The following TRIM45 variants were observed in gnomAD, a reference collection of about 807,000 sequenced individuals.
TRIM45 encodes the protein tripartite motif containing 45, also known as E3 ubiquitin-protein ligase TRIM45.
TRIM45 carries 45 observed loss-of-function variants against 46.7 expected under a neutral mutation model. The observed-to-expected ratio is 0.96, with a 90% confidence interval of 0.76 to 1.24. The LOEUF (loss-of-function observed/expected upper bound fraction) is 1.24. Ranked by LOEUF, TRIM45 falls within the 50% of genes most tolerant of loss-of-function variation. The pLI, the probability that TRIM45 is intolerant of heterozygous loss-of-function variation, is 0.00. For missense variants in TRIM45, 680 were observed against 728.4 expected (o/e 0.93, Z 0.77); for synonymous variants, 259 against 285.8 (o/e 0.91, Z 0.94).
chr1:117,120,682 A>G, intron 1 of TRIM45, 32 bp downstream of exon 1: 1 of 1,557,192 alleles, frequency 6.4e-7, no homozygotes, highest in Non-Finnish European at 8.7e-7. Context: ...ATCTGCTCTT[A>G]AGCTACACCT....
upstream of TRIM45, chr1:117,122,721 A>G (rs1650704270): frequency 6.6e-6 from 1 of 152,244 alleles, no homozygotes. Context: ...AATTGGGAAG[A>G]TGAACACGTC....
In TRIM45 at chr1:117,121,076, C is replaced by G; in HGVS notation, c.126G>C (p.Leu42Phe). Residue 42 changes from leucine to phenylalanine, a missense_variant, in exon 1 of 6, where the codon TTG becomes TTC. Physicochemically the swap from Leu to Phe is conservative, Grantham distance 22. This residue lies in a region of TRIM45 where 349 missense variants were observed against 343.6 expected (regional missense o/e 1.02). Transcript: ENST00000256649. The surrounding 1 kb of genome is among the most constrained non-coding windows in gnomAD (Gnocchi z 4.2). ...TGGTGCAAACTGTATGCAAACAAGG[C>G]AAGAGCCTGGGGGCTTTGAAAAGCC... ...CLGLFKAPRLLPCLHTVCTTC... is the reference protein window; with the variant it reads ...CLGLFKAPRLFPCLHTVCTTC... 1 of 1,614,156 alleles carries G rather than the reference C, an allele frequency of 6.2e-7. No individual in the cohort carries two copies. The highest frequency in any genetic ancestry group is 8.5e-7 in the Non-Finnish European group (1 of 1,180,032).
At position 117,121,346 on chromosome 1, in the gene TRIM45, G is replaced by T; in HGVS notation, c.-145C>A. On this transcript the variant is annotated 5_prime_UTR_variant, in exon 1 of 6. The change creates a new upstream start codon in the 5' untranslated region. Coordinates refer to ENST00000256649, the MANE Select transcript of TRIM45 (RefSeq NM_025188.4). The surrounding 1 kb of genome is among the most constrained non-coding windows in gnomAD (Gnocchi z 4.2). ...TCCCTCGCTGACAAATAAAAGGGCA[G>T]ACGGGAAGACGAGGCGTCCTCGAAG... is the stretch of plus-strand genomic sequence containing the variant. The T allele has an allele frequency of 1.0e-6, 1 of 994,772 alleles. No homozygotes were observed. Among genetic ancestry groups the T allele is most frequent in the Non-Finnish European group, 1.4e-6 (1 of 690,102 alleles). 61.6% of individuals were successfully genotyped at this position (994,772 alleles called of 1,614,324 possible).
In TRIM45 at chr1:117,118,197, C is replaced by A. The variant is rs1298602907; in HGVS notation, c.1059G>T (p.Arg353=). The A allele has an allele frequency of 1.9e-6, 3 of 1,614,092 alleles. No homozygotes were observed. The highest frequency in any genetic ancestry group is 2.2e-5 in the East Asian group (1 of 44,896). The part of the protein sequence containing the change: ...ILITKRVVVE[R]LRKLNKVQYS... Reference sequence around the variant, plus strand: ...ATTGAACTTTGTTCAGCTTCCTGAGCCGTTCTACCACCACCCTCTTGGTGA... The same window carrying A: ...ATTGAACTTTGTTCAGCTTCCTGAGACGTTCTACCACCACCCTCTTGGTGA... The change falls in exon 2 of 6, where the codon CGG becomes CGT. Residue 353 remains arginine (R), a synonymous_variant. Coordinates refer to ENST00000256649, the MANE Select transcript of TRIM45 (RefSeq NM_025188.4). This position sits in a 1 kb window ranked among gnomAD's most constrained non-coding sequence, Gnocchi z 5.7.
chr1:117,117,959 G>T lies in TRIM45; in HGVS notation c.1222+75C>A. 1 of 1,544,740 alleles carries T rather than the reference G, an allele frequency of 6.5e-7. No individual in the cohort carries two copies. The highest frequency in any genetic ancestry group is 1.3e-5 in the South Asian group (1 of 79,828). ...GGTCAGTAGGGCATGCTTCCTAGCA[G>T]AACAAGCCACCAATCTTCACACACC... On this transcript the variant is annotated intron_variant, in intron 2 of 5. Coordinates refer to ENST00000256649, the MANE Select transcript of TRIM45 (RefSeq NM_025188.4). The surrounding 1 kb of genome is among the most constrained non-coding windows in gnomAD (Gnocchi z 4.9).
Position 117,120,946 on chromosome 1 carries a change from G to C in TRIM45, c.256C>G (p.Leu86Val). ...SIFQELKPRSLQSQIGILCPV... is the reference protein window; with the variant it reads ...SIFQELKPRSVQSQIGILCPV... ...CAAAGGATGCCGATCTGCGACTGCA[G>C]ACTTCGTGGCTTGAGTTCCTGGAAT... Residue 86 changes from leucine to valine, a missense_variant, in exon 1 of 6, where the codon CTG becomes GTG. Physicochemically the swap from Leu to Val is conservative, Grantham distance 32. Coordinates refer to ENST00000256649, the MANE Select transcript of TRIM45 (RefSeq NM_025188.4). The C allele has an allele frequency of 3.7e-6, 6 of 1,614,226 alleles. No homozygotes were observed. Among genetic ancestry groups the C allele is most frequent in the Non-Finnish European group, 5.1e-6 (6 of 1,180,044 alleles).
chr1:117,120,592 C>T (rs1650579944), intron 1 of TRIM45, 122 bp downstream of exon 1: 2 of 1,394,318 alleles, frequency 1.4e-6, no homozygotes, highest in African/African-American at 1.4e-5. Flanking sequence ...TGTTATATTG[C>T]TCTTTGACCT....
At chr1:117,114,483 C>T (rs1199049042) in intron 4 of TRIM45, among the ~76,000 whole-genome samples, 1 of 152,158 alleles carries the variant, frequency 6.6e-6, no homozygotes, top group African/African-American at 2.4e-5. Flanking sequence ...TAATAAGTTG[C>T]AATGTGCCTA....
chr1:117,121,526 C>T lies in TRIM45; in HGVS notation c.-325G>A. ...CCTGCTGCCAACAAAGTCACCCCTG[C>T]ACCTCTCGCTCCCTCCACTGCCACC... On this transcript the variant is annotated 5_prime_UTR_variant, in exon 1 of 6. Coordinates refer to ENST00000256649, the MANE Select transcript of TRIM45 (RefSeq NM_025188.4). The surrounding 1 kb of genome is among the most constrained non-coding windows in gnomAD (Gnocchi z 4.2). 1.8e-6 allele frequency: 1 copy of T among 540,584 alleles called. No individual in the cohort carries two copies. The highest frequency in any genetic ancestry group is 3.3e-6 in the Non-Finnish European group (1 of 307,554). The allele number at this position is 540,584 out of a possible 1,614,324, so 33.5% of individuals were successfully genotyped here.
rs1650506494 is a variant in TRIM45, at chr1:117,118,691, T to C, written c.565A>G (p.Ile189Val). Residue 189 changes from isoleucine to valine, a missense_variant, in exon 2 of 6, where the codon ATC (isoleucine) becomes GTC (valine). This residue lies in a region of TRIM45 where 349 missense variants were observed against 343.6 expected (regional missense o/e 1.02). Coordinates refer to ENST00000256649, the MANE Select transcript of TRIM45 (RefSeq NM_025188.4). The surrounding 1 kb of genome is among the most constrained non-coding windows in gnomAD (Gnocchi z 5.7). ...LKGYSRIGKP[I>V]LCPVHPAEEL... ...TCTGCAGGGTGAACAGGACACAGGA[T>C]GGGCTTCCCAATCCGGCTGTAGCCT... The C allele has an allele frequency of 6.2e-7, 1 of 1,613,850 alleles. No individual in the cohort carries two copies. Among genetic ancestry groups the C allele is most frequent in the African/African-American group, 1.3e-5 (1 of 75,062 alleles).
At chr1:117,122,010 C>T, upstream of TRIM45, 2 of 553,538 alleles carry the variant, frequency 3.6e-6, no homozygotes, top group Non-Finnish European at 6.5e-6. Flanking sequence ...ATAGTGTAGT[C>T]AGCGTCACCG....
In TRIM45 at chr1:117,118,512, G is replaced by A. The variant is rs376653888; in HGVS notation, c.744C>T (p.His248=). 4.5e-5 allele frequency: 72 copies of A among 1,614,046 alleles called. No homozygotes were observed. Among genetic ancestry groups the A allele is most frequent in the Admixed American group, 1.0e-4 (6 of 60,004 alleles). ...VWELLKGTQP[H]VEALEEALAQ... ...CCAGGGCTTCCTCCAGGGCCTCCAC[G>A]TGGGGCTGAGTACCTTTGAGGAGCT... The change falls in exon 2 of 6, where the codon CAC becomes CAT. Residue 248 remains histidine, a synonymous_variant. Transcript: ENST00000256649. The surrounding 1 kb of genome is among the most constrained non-coding windows in gnomAD (Gnocchi z 5.7).
Position 117,117,927 on chromosome 1 carries a change from G to A in TRIM45, c.1222+107C>T. 7.0e-7 allele frequency: 1 copy of A among 1,425,378 alleles called. No individual in the cohort carries two copies. Among genetic ancestry groups the A allele is most frequent in the African/African-American group, 1.4e-5 (1 of 70,100 alleles). The allele number at this position is 1,425,378 out of a possible 1,614,324, so 88.3% of individuals were successfully genotyped here. A position where few individuals can be genotyped will look rare whatever the true frequency, so the allele number is the denominator to read the frequency against. On this transcript the variant is annotated intron_variant, in intron 2 of 5. Coordinates refer to ENST00000256649, the MANE Select transcript of TRIM45 (RefSeq NM_025188.4). This position sits in a 1 kb window ranked among gnomAD's most constrained non-coding sequence, Gnocchi z 4.9. ...AGATCAGTTTATCTCCCCACCTTTG[G>A]TAACCTGGTCAGTAGGGCATGCTTC...
rs148522737 is a variant in TRIM45 at position 117,120,749 on chromosome 1, T to A, written c.453A>T (p.Lys151Asn). ...REVEKRCQTC[K>N]ANLCHFCCQA... The stretch of plus-strand genomic sequence containing the variant: ...GGCAGCAGAAGTGGCAGAGGTTGGC[T>A]TTGCAGGTCTGACACCTCTTCTCTA... The change falls in exon 1 of 6, where the codon AAA becomes AAT. Residue 151 changes from lysine (K) to asparagine (N), a missense_variant. Transcript: ENST00000256649. 6.2e-7 allele frequency: 1 copy of A among 1,612,658 alleles called. No homozygotes were observed. Among genetic ancestry groups the A allele is most frequent in the African/African-American group, 1.3e-5 (1 of 74,886 alleles).
chr1:117,118,189 T>C lies in TRIM45; in HGVS notation c.1067A>G (p.Lys356Arg). The C allele has an allele frequency of 6.2e-7, 1 of 1,614,246 alleles. No homozygotes were observed. Among genetic ancestry groups the C allele is most frequent in the Non-Finnish European group, 8.5e-7 (1 of 1,180,040 alleles). The change falls in exon 2 of 6, where the codon AAG (lysine) becomes AGG (arginine). Residue 356 changes from lysine to arginine, a missense_variant. Lys to Arg is a conservative substitution (Grantham distance 26). Transcript: ENST00000256649. This position sits in a 1 kb window ranked among gnomAD's most constrained non-coding sequence, Gnocchi z 5.7. Reference sequence around the variant, plus strand: ...GGTGCTATATTGAACTTTGTTCAGCTTCCTGAGCCGTTCTACCACCACCCT... The same window carrying C: ...GGTGCTATATTGAACTTTGTTCAGCCTCCTGAGCCGTTCTACCACCACCCT... Reference protein sequence around the residue: ...TKRVVVERLRKLNKVQYSTRP... With the variant: ...TKRVVVERLRRLNKVQYSTRP...
chr1:117,120,692 T>C, intron 1 of TRIM45, 22 bp downstream of exon 1: 1 of 1,580,538 alleles, frequency 6.3e-7, no homozygotes, highest in Non-Finnish European at 8.6e-7. Context: ...AAGCTACACC[T>C]GATGGAGTGT....
chr1:117,119,946 C>T (rs865969052), intron 1 of TRIM45, among the ~76,000 whole-genome samples: 4 of 152,116 alleles, frequency 2.6e-5, no homozygotes, highest in Non-Finnish European at 5.9e-5. Context: ...AAGTAGAACC[C>T]GAAACCTATT....
At position 117,115,466 on chromosome 1, in the gene TRIM45, A is replaced by G; in HGVS notation, c.1467+109T>C. Reference sequence around the variant, plus strand: ...CTGTTTCTAAAGTGAAGAAGAAGACATGGGGATTCTATTCAATCTCTCTGT... The same window carrying G: ...CTGTTTCTAAAGTGAAGAAGAAGACGTGGGGATTCTATTCAATCTCTCTGT... On this transcript the variant is annotated intron_variant, in intron 4 of 5. Transcript: ENST00000256649. The surrounding 1 kb of genome is among the most constrained non-coding windows in gnomAD (Gnocchi z 4.2). 1.3e-6 allele frequency: 1 copy of G among 778,782 alleles called. No individual in the cohort carries two copies. Among genetic ancestry groups the G allele is most frequent in the Non-Finnish European group, 2.2e-6 (1 of 460,658 alleles). 48.2% of individuals were successfully genotyped at this position (778,782 alleles called of 1,614,324 possible).
chr1:117,116,144 A>G lies in TRIM45; in HGVS notation c.1353-455T>C, dbSNP rs1325511. ...CCATAGCTTTGAGAGAGAATTGAAT[A>G]CAAAACCCACACAAGAAAACACATT... On this transcript the variant is annotated intron_variant, in intron 3 of 5. Coordinates refer to ENST00000256649, the MANE Select transcript of TRIM45 (RefSeq NM_025188.4). This position sits in a 1 kb window ranked among gnomAD's most constrained non-coding sequence, Gnocchi z 4.6. Among the ~76,000 whole-genome samples the G allele has an allele frequency of 0.031, 4,706 of 152,320 alleles. 117 individuals carry two copies. The highest frequency in any genetic ancestry group is 0.1 in the East Asian group (528 of 5,174).
Sources: gnomAD v4.1 joint callset for allele counts (sites outside exome capture counted in the v4.1 genomes callset) on GRCh38, gnomAD v4.1.1 for gene constraint, gnomAD v4.1.1 regional missense constraint, Gnocchi (gnomAD v3.1) non-coding constraint, MANE v1.5 for transcripts, NCBI Gene and HGNC (gene_info 2026-07-23, HGNC 2026-07-21) for gene names.